SGCG: variants seen among roughly 807,000 people sequenced by gnomAD.
SGCG encodes sarcoglycan gamma, also known as gamma-sarcoglycan.
Under a neutral mutation model 29.3 loss-of-function variants are expected in SGCG, and 26 were observed. The ratio of observed to expected loss-of-function variants is 0.89; its 90% CI spans 0.65 to 1.23. The LOEUF (loss-of-function observed/expected upper bound fraction) is 1.23, where lower values mean the gene tolerates loss of function less well. SGCG is among the 50% of genes most tolerant of loss of function. The pLI is 0.00. For synonymous variants in SGCG, 145 were observed against 129.7 expected (o/e 1.12, Z -0.80); for missense variants, 353 against 356.0 (o/e 0.99, Z 0.07).
the SGCG span, among the ~76,000 whole-genome samples, chr13:23,161,920 C>A: frequency 5.3e-5 from 8 of 152,186 alleles, no homozygotes; most frequent in Non-Finnish European, 7.3e-5. Context: ...CACTTAACAC[C>A]GTGGCCTCAC....
rs537119187 is a variant in SGCG, at chr13:23,291,380, A to T, written c.506-4035A>T. On this transcript the variant is annotated intron_variant, in intron 5 of 7. Coordinates refer to ENST00000218867, the MANE Select transcript of SGCG (RefSeq NM_000231.3). Reference sequence around the variant, plus strand: ...GTATTATACCAATTATATTTCTTATATCATCTTGATTGTGAATATTTAAAT... The same window carrying T: ...GTATTATACCAATTATATTTCTTATTTCATCTTGATTGTGAATATTTAAAT... Among the ~76,000 whole-genome samples, 488 of 152,334 alleles carry T rather than the reference A, an allele frequency of 3.2e-3. 3 individuals are homozygous for T. Among genetic ancestry groups the T allele is most frequent in the African/African-American group, 0.011 (460 of 41,586 alleles).
chr13:23,190,032 T>G (rs1565992942), intron 1 of SGCG, among the ~76,000 whole-genome samples: 1 of 151,970 alleles, frequency 6.6e-6, no homozygotes, highest in Non-Finnish European at 1.5e-5. Context: ...TATTCTGCTA[T>G]CAAACTATTT....
At chr13:23,171,739 G>T in the SGCG span, among the ~76,000 whole-genome samples, 2 of 152,158 alleles carry the variant, frequency 1.3e-5, no homozygotes, top group Admixed American at 1.3e-4. Flanking sequence ...CTCATGAGTA[G>T]TTCACAATAG....
At chr13:23,201,529 C>T (rs1877764967) in intron 1 of SGCG, among the ~76,000 whole-genome samples, 1 of 151,970 alleles carries the variant, frequency 6.6e-6, no homozygotes, top group Non-Finnish European at 1.5e-5. Context: ...AGCAGAGGCT[C>T]GAGCAAGGAA....
rs923362504 is a variant in SGCG at position 23,284,150 on chromosome 13, C to G, written c.505+4672C>G. 1.2e-4 allele frequency among the ~76,000 whole-genome samples: 19 copies of G among 152,258 alleles called. 1 individual carries two copies. The highest frequency in any genetic ancestry group is 1.2e-3 in the Admixed American group (18 of 15,292). On this transcript the variant is annotated intron_variant, in intron 5 of 7. Coordinates refer to ENST00000218867, the MANE Select transcript of SGCG (RefSeq NM_000231.3). ...CTATTTCCTGAATTTGAATGTTGGC[C>G]TGTCTTGCTAGTTTGGGGAAGTTCT... is the stretch of plus-strand genomic sequence containing the variant.
At chr13:23,266,730 C>A (rs1880655480) in intron 4 of SGCG, among the ~76,000 whole-genome samples, 2 of 151,896 alleles carry the variant, frequency 1.3e-5, no homozygotes, top group Admixed American at 6.6e-5. Flanking sequence ...AATTTAAATT[C>A]TCTCTTCTCT....
intron 1 of SGCG, among the ~76,000 whole-genome samples, chr13:23,198,093 G>C (rs1336791567): frequency 6.6e-6 from 1 of 152,178 alleles, no homozygotes. Flanking sequence ...AGATAACTTC[G>C]AACTATTATA....
intron 3 of SGCG, chr13:23,245,136 C>T (rs921098048): frequency 1.3e-5 from 2 of 152,224 alleles, no homozygotes; most frequent in Non-Finnish European, 2.9e-5. Flanking sequence ...GGACTGGCTA[C>T]AAAGACTGCC....
At chr13:23,312,847 A>G (rs1468370781) in intron 6 of SGCG, among the ~76,000 whole-genome samples, 1 of 152,146 alleles carries the variant, frequency 6.6e-6, no homozygotes, top group East Asian at 1.9e-4. Flanking sequence ...CTCCAAAAAC[A>G]TGTATTAGGT....
chr13:23,198,328 C>T (rs532374889), intron 1 of SGCG, among the ~76,000 whole-genome samples: 5 of 152,192 alleles, frequency 3.3e-5, no homozygotes, highest in Admixed American at 6.5e-5. Context: ...ACACTATGTT[C>T]GATTCACTAT....
chr13:23,161,721 T>C, the SGCG span, among the ~76,000 whole-genome samples: 1 of 152,236 alleles, frequency 6.6e-6, no homozygotes, highest in Non-Finnish European at 1.5e-5. Context: ...GCTTCCAAAT[T>C]GACTAGCAAG....
chr13:23,303,438 C>T (rs1341898768), intron 6 of SGCG, among the ~76,000 whole-genome samples: 1 of 152,210 alleles, frequency 6.6e-6, no homozygotes, highest in Non-Finnish European at 1.5e-5. Context: ...CTACACTTGC[C>T]CGAGCTCTCT....
At chr13:23,255,118 C>G (rs961037117) in intron 4 of SGCG, among the ~76,000 whole-genome samples, 4 of 152,212 alleles carry the variant, frequency 2.6e-5, no homozygotes, top group African/African-American at 9.6e-5. Context: ...AGCCACTGCC[C>G]TCCAGACCCC....
At chr13:23,314,767 G>C (rs867208057) in intron 6 of SGCG, among the ~76,000 whole-genome samples, 12 of 152,194 alleles carry the variant, frequency 7.9e-5, no homozygotes, top group Middle Eastern at 6.8e-3. Context: ...GGGGTCCTGT[G>C]GTGTGGGGCC....
intron 3 of SGCG, chr13:23,243,714 C>A (rs1020178942): frequency 6.6e-6 from 1 of 152,124 alleles, no homozygotes; most frequent in Non-Finnish European, 1.5e-5. Flanking sequence ...ACGGAACTGT[C>A]ATCTGCAGCT....
At chr13:23,308,396 A>G (rs1315892127) in intron 6 of SGCG, among the ~76,000 whole-genome samples, 1 of 152,146 alleles carries the variant, frequency 6.6e-6, no homozygotes, top group Non-Finnish European at 1.5e-5. Flanking sequence ...TTTGTCATAT[A>G]TAAAGCTATT....
chr13:23,238,852 GTATAGC>G (rs1879403709), intron 3 of SGCG, among the ~76,000 whole-genome samples: 1 of 152,110 alleles, frequency 6.6e-6, no homozygotes, highest in African/African-American at 2.4e-5. Flanking sequence ...ACAATTTAAA[GTATAGC>G]TATAGATACT....
chr13:23,319,266 C>A (rs1035378505), intron 6 of SGCG, among the ~76,000 whole-genome samples: 1 of 150,524 alleles, frequency 6.6e-6, no homozygotes, highest in Admixed American at 6.7e-5. Flanking sequence ...CCACTGTATT[C>A]TCTAGCCTGG....
chr13:23,311,903 A>G (rs970968624), intron 6 of SGCG, among the ~76,000 whole-genome samples: 1 of 151,754 alleles, frequency 6.6e-6, no homozygotes, highest in African/African-American at 2.4e-5. Flanking sequence ...GTCAGCTGAC[A>G]ACTCCTTTCA....
Sources: allele counts gnomAD v4.1 joint callset (sites outside exome capture counted in the v4.1 genomes callset), GRCh38; gene constraint gnomAD v4.1.1; transcripts MANE v1.5; gene names NCBI Gene and HGNC (gene_info 2026-07-23, HGNC 2026-07-21).